FZD7: variants seen among roughly 807,000 people sequenced by gnomAD.
FZD7 encodes frizzled-7.
A neutral mutation model predicts 39.0 loss-of-function variants in FZD7; 21 were observed. The ratio of observed to expected loss-of-function variants is 0.54; its 90% CI spans 0.38 to 0.78. The LOEUF (loss-of-function observed/expected upper bound fraction) is 0.78, where lower values mean the gene tolerates loss of function less well. Ranked by LOEUF, FZD7 falls within the 30% of genes least tolerant of loss-of-function variation. FZD7 has a pLI of 0.00. For synonymous variants in FZD7, 428 were observed against 364.9 expected (o/e 1.17, Z -1.97); for missense variants, 695 against 805.0 (o/e 0.86, Z 1.65).
chr2:202,035,436 G>T lies in FZD7; in HGVS notation c.789G>T (p.Leu263=). ...ARLWVGVWSV[L]CCASTLFTVL... ...TCTGGGTGGGCGTGTGGTCCGTGCT[G>T]TGCTGCGCCTCGACGCTCTTTACCG... The change falls in exon 1 of 1, where the codon CTG becomes CTT. Residue 263 remains leucine, a synonymous_variant. Coordinates refer to ENST00000286201, the MANE Select transcript of FZD7 (RefSeq NM_003507.2). 1 of 1,614,030 alleles carries T rather than the reference G, an allele frequency of 6.2e-7. No individual in the cohort carries two copies. Among genetic ancestry groups the T allele is most frequent in the Non-Finnish European group, 8.5e-7 (1 of 1,179,994 alleles).
Position 202,036,356 on chromosome 2 carries a change from G to A in FZD7, c.1709G>A (p.Gly570Glu). ...FYHRLSHSSK[G>E]ETAV ...CACAGACTTAGCCACAGCAGCAAGG[G>A]GGAGACTGCGGTATGAGCCCCGGCC... is the stretch of plus-strand genomic sequence containing the variant. Residue 570 changes from glycine (G) to glutamate (E), a missense_variant, in exon 1 of 1, where the codon GGG becomes GAG. Transcript: ENST00000286201. The A allele has an allele frequency of 1.2e-6, 2 of 1,611,240 alleles. No individual in the cohort carries two copies. Among genetic ancestry groups the A allele is most frequent in the East Asian group, 2.2e-5 (1 of 44,852 alleles).
rs202177676 is a variant in FZD7 at position 202,036,000 on chromosome 2, C to T, written c.1353C>T (p.Arg451=). Residue 451 remains arginine, a synonymous_variant, in exon 1 of 1, where the codon CGC becomes CGT. Coordinates refer to ENST00000286201, the MANE Select transcript of FZD7 (RefSeq NM_003507.2). ...LAGFVSLFRI[R]TIMKHDGTKT... is the part of the protein sequence containing the mutation. ...GCTTCGTGTCCCTCTTCCGTATCCG[C>T]ACCATCATGAAACACGACGGCACCA... is the stretch of plus-strand genomic sequence containing the variant. 6.8e-6 allele frequency: 11 copies of T among 1,614,088 alleles called. No individual in the cohort carries two copies. In the Admixed American group the frequency reaches 1.5e-4, roughly 22 times the overall value.
Position 202,035,944 on chromosome 2 carries a change from C to G in FZD7, c.1297C>G (p.Leu433Val), listed in dbSNP as rs753824459. Residue 433 changes from leucine (L) to valine (V), a missense_variant, in exon 1 of 1, where the codon CTC becomes GTC. Transcript: ENST00000286201. ...CGTGCTGGCGCCTCTGTTCGTCTAC[C>G]TCTTCATAGGCACGTCCTTCTTGCT... ...GFVLAPLFVY[L>V]FIGTSFLLAG... 1.2e-6 allele frequency: 2 copies of G among 1,614,006 alleles called. No individual in the cohort carries two copies. The highest frequency in any genetic ancestry group is 1.7e-6 in the Non-Finnish European group (2 of 1,180,010).
Position 202,033,878 on chromosome 2 carries a change from G to GGGCGGCGGCGGCGGC in FZD7, c.-758_-744dup, listed in dbSNP as rs565338234. On this transcript the variant is annotated 5_prime_UTR_variant, in exon 1 of 1. Coordinates refer to ENST00000286201, the MANE Select transcript of FZD7 (RefSeq NM_003507.2). ...GCGTTAGTCGGCGCTCACTCCCGGC[G>GGGCGGCGGCGGCGGC]GGCGGCGGCGGCGGCGGCGGCGGCG... Among the ~76,000 whole-genome samples the GGGCGGCGGCGGCGGC allele has an allele frequency of 2.4e-4, 36 of 150,534 alleles. No individual in the cohort carries two copies. The highest frequency in any genetic ancestry group is 3.7e-4 in the Non-Finnish European group (25 of 67,360).
chr2:202,036,242 T>C lies in FZD7; in HGVS notation c.1595T>C (p.Ile532Thr), dbSNP rs1688739994. The C allele has an allele frequency of 6.2e-7, 1 of 1,613,306 alleles. No individual in the cohort carries two copies. The highest frequency in any genetic ancestry group is 1.1e-5 in the South Asian group (1 of 91,054). The change falls in exon 1 of 1, where the codon ATC becomes ACC. Residue 532 changes from isoleucine to threonine, a missense_variant. Transcript: ENST00000286201. Reference protein sequence around the residue: ...PMSPDFTVFMIKYLMTMIVGI... With the variant: ...PMSPDFTVFMTKYLMTMIVGI... ...AGCCCCGACTTCACCGTCTTCATGA[T>C]CAAGTACCTGATGACCATGATCGTC...
Position 202,036,277 on chromosome 2 carries a change from A to G in FZD7, c.1630A>G (p.Thr544Ala). ...GATGACCATGATCGTCGGCATCACC[A>G]CTGGCTTCTGGATCTGGTCGGGCAA... ...YLMTMIVGITTGFWIWSGKTL... is the reference protein window; with the variant it reads ...YLMTMIVGITAGFWIWSGKTL... Residue 544 changes from threonine to alanine, a missense_variant, in exon 1 of 1, where the codon ACT becomes GCT. Physicochemically the swap from Thr to Ala is moderately conservative, Grantham distance 58. Transcript: ENST00000286201. 3 of 1,613,302 alleles carry G rather than the reference A, an allele frequency of 1.9e-6. No homozygotes were observed. The highest frequency in any genetic ancestry group is 2.5e-6 in the Non-Finnish European group (3 of 1,179,964).
chr2:202,036,763 A>C lies in FZD7; in HGVS notation c.*391A>C. The C allele has an allele frequency of 8.9e-6, 2 of 224,046 alleles. No individual in the cohort carries two copies. Among genetic ancestry groups the C allele is most frequent in the South Asian group, 8.7e-5 (1 of 11,446 alleles). 13.9% of individuals were successfully genotyped at this position (224,046 alleles called of 1,614,324 possible). A position where few individuals can be genotyped will look rare whatever the true frequency, so the allele number is the denominator to read the frequency against. On this transcript the variant is annotated 3_prime_UTR_variant, in exon 1 of 1. Coordinates refer to ENST00000286201, the MANE Select transcript of FZD7 (RefSeq NM_003507.2). ...GCTGCAGGGCGAGTGGCCTGTCCAG[A>C]CCCCTGTGAGGCCCCGGGAAAGGTA...
rs984042190 is a variant in FZD7 at position 202,034,346 on chromosome 2, G to A, written c.-302G>A. Among the ~76,000 whole-genome samples the A allele has an allele frequency of 6.6e-5, 10 of 151,800 alleles. No individual in the cohort carries two copies. The South Asian group carries it at 1.9e-3, about 28-fold the overall frequency. ...CGCTTGTTGCTCCTCGCGGCGGAGGGAGCCGCACCGTTACGTCCCCGCGGG... is the reference window on the plus strand; with the variant it reads ...CGCTTGTTGCTCCTCGCGGCGGAGGAAGCCGCACCGTTACGTCCCCGCGGG... On this transcript the variant is annotated 5_prime_UTR_variant, in exon 1 of 1. Transcript: ENST00000286201.
rs1025278790 is a variant in FZD7 at position 202,034,135 on chromosome 2, G to A, written c.-513G>A. On this transcript the variant is annotated 5_prime_UTR_variant, in exon 1 of 1. Transcript: ENST00000286201. ...AGCGGGGTGTGGAGGAGGAGGCGAA[G>A]GAGGCGGCGACGAGCGGAGCCTCGA... Among the ~76,000 whole-genome samples, 1 of 151,668 alleles carries A rather than the reference G, an allele frequency of 6.6e-6. No individual in the cohort carries two copies. The highest frequency in any genetic ancestry group is 2.4e-5 in the African/African-American group (1 of 41,330).
rs1215175471 is a variant in FZD7, at chr2:202,036,210, G to A, written c.1563G>A (p.Pro521=). Reference sequence around the variant, plus strand: ...TGCCCTGCCCGCCCGGCCACTTCCCGCCCATGAGCCCCGACTTCACCGTCT... The same window carrying A: ...TGCCCTGCCCGCCCGGCCACTTCCCACCCATGAGCCCCGACTTCACCGTCT... ...YAVPCPPGHF[P]PMSPDFTVFM... The change falls in exon 1 of 1, where the codon CCG becomes CCA. Residue 521 remains proline (P), a synonymous_variant. Transcript: ENST00000286201. 10 of 1,613,474 alleles carry A rather than the reference G, an allele frequency of 6.2e-6. No individual in the cohort carries two copies. Among genetic ancestry groups the A allele is most frequent in the Non-Finnish European group, 8.5e-6 (10 of 1,179,992 alleles).
Position 202,035,194 on chromosome 2 carries a change from C to T in FZD7, c.547C>T (p.Pro183Ser), listed in dbSNP as rs755082967. ...CGGCCCCACTGCCTACCCTACCGCG[C>T]CCTACCTGCCGGACCTGCCCTTCAC... ...GGGPTAYPTA[P>S]YLPDLPFTAL... is the part of the protein sequence containing the mutation. The change falls in exon 1 of 1, where the codon CCC becomes TCC. Residue 183 changes from proline (P) to serine (S), a missense_variant. Transcript: ENST00000286201. The T allele has an allele frequency of 5.6e-6, 9 of 1,599,976 alleles. No individual in the cohort carries two copies. In the South Asian group the frequency reaches 9.9e-5, roughly 18 times the overall value.
At position 202,034,603 on chromosome 2, in the gene FZD7, G is replaced by C. The variant is rs1688705395; in HGVS notation, c.-45G>C. On this transcript the variant is annotated 5_prime_UTR_variant, in exon 1 of 1. Coordinates refer to ENST00000286201, the MANE Select transcript of FZD7 (RefSeq NM_003507.2). The stretch of plus-strand genomic sequence containing the variant: ...CATCCAAGCCTCTCCCAACCGCCTC[G>C]TCGCACTCCTCAGGCTGAGAGCACC... The C allele has an allele frequency of 2.7e-6, 4 of 1,478,246 alleles. No individual in the cohort carries two copies. The highest frequency in any genetic ancestry group is 3.6e-6 in the Non-Finnish European group (4 of 1,122,390). 91.6% of individuals were successfully genotyped at this position (1,478,246 alleles called of 1,614,324 possible). A position where few individuals can be genotyped will look rare whatever the true frequency, so the allele number is the denominator to read the frequency against.
In FZD7 at chr2:202,034,742, C is replaced by T. The variant is rs1487949232; in HGVS notation, c.95C>T (p.Ala32Val). The change falls in exon 1 of 1, where the codon GCG (alanine) becomes GTG (valine). Residue 32 changes from alanine (A) to valine (V), a missense_variant. By Grantham distance (64) the Ala-to-Val change is moderately conservative. Transcript: ENST00000286201. Reference protein sequence around the residue: ...LLGALSAGAGAQPYHGEKGIS... With the variant: ...LLGALSAGAGVQPYHGEKGIS... ...GGCGCACTGTCCGCGGGCGCCGGGG[C>T]GCAGCCGTACCACGGAGAGAAGGGC... 5.6e-6 allele frequency: 9 copies of T among 1,612,108 alleles called. No homozygotes were observed. Among genetic ancestry groups the T allele is most frequent in the Non-Finnish European group, 7.6e-6 (9 of 1,179,896 alleles).
chr2:202,035,126 G>T lies in FZD7; in HGVS notation c.479G>T (p.Cys160Phe), dbSNP rs1248026205. The change falls in exon 1 of 1, where the codon TGC becomes TTC. Residue 160 changes from cysteine to phenylalanine, a missense_variant. Cys to Phe is a radical substitution (Grantham distance 205). Transcript: ENST00000286201. ...CCGGTGCACGGTGCGGGCGAGATCTGCGTGGGCCAGAACACGTCGGACGGC... is the reference window on the plus strand; with the variant it reads ...CCGGTGCACGGTGCGGGCGAGATCTTCGTGGGCCAGAACACGTCGGACGGC... The part of the protein sequence containing the change: ...NFPVHGAGEI[C>F]VGQNTSDGSG... 4 of 1,605,984 alleles carry T rather than the reference G, an allele frequency of 2.5e-6. No individual in the cohort carries two copies. The South Asian group carries it at 4.4e-5, about 18-fold the overall frequency.
chr2:202,033,998 T>A lies in FZD7; in HGVS notation c.-650T>A, dbSNP rs905867913. On this transcript the variant is annotated 5_prime_UTR_variant, in exon 1 of 1. Coordinates refer to ENST00000286201, the MANE Select transcript of FZD7 (RefSeq NM_003507.2). ...CTCGCGGTTTCGGACGCAGTGTGAC[T>A]GGGTTTCCAAAAAGAACTCGCCGTG... 8.6e-5 allele frequency among the ~76,000 whole-genome samples: 13 copies of A among 151,578 alleles called. No homozygotes were observed. Among genetic ancestry groups the A allele is most frequent in the South Asian group, 6.2e-4 (3 of 4,808 alleles).
chr2:202,034,812 G>A lies in FZD7; in HGVS notation c.165G>A (p.Pro55=), dbSNP rs1457102070. 6.8e-6 allele frequency: 11 copies of A among 1,613,580 alleles called. No homozygotes were observed. Among genetic ancestry groups the A allele is most frequent in the African/African-American group, 4.0e-5 (3 of 74,924 alleles). ...DHGFCQPISI[P]LCTDIAYNQT... ...GCTTCTGCCAGCCCATCTCCATCCC[G>A]CTGTGCACGGACATCGCCTACAACC... Residue 55 remains proline (P), a synonymous_variant, in exon 1 of 1, where the codon CCG becomes CCA. Coordinates refer to ENST00000286201, the MANE Select transcript of FZD7 (RefSeq NM_003507.2).
In FZD7 at chr2:202,036,152, C is replaced by T; in HGVS notation, c.1505C>T (p.Thr502Ile). 6.2e-7 allele frequency: 1 copy of T among 1,613,624 alleles called. No homozygotes were observed. Among genetic ancestry groups the T allele is most frequent in the Non-Finnish European group, 8.5e-7 (1 of 1,180,014 alleles). ...EQAFREHWER[T>I]WLLQTCKSYA... Reference sequence around the variant, plus strand: ...GCCTTCCGCGAGCACTGGGAGCGCACCTGGCTCCTGCAGACGTGCAAGAGC... The same window carrying T: ...GCCTTCCGCGAGCACTGGGAGCGCATCTGGCTCCTGCAGACGTGCAAGAGC... The change falls in exon 1 of 1, where the codon ACC (threonine) becomes ATC (isoleucine). Residue 502 changes from threonine (T) to isoleucine (I), a missense_variant. Transcript: ENST00000286201.
chr2:202,034,800 C>G lies in FZD7; in HGVS notation c.153C>G (p.Pro51=). 6.2e-7 allele frequency: 1 copy of G among 1,613,464 alleles called. No homozygotes were observed. Among genetic ancestry groups the G allele is most frequent in the South Asian group, 1.1e-5 (1 of 91,044 alleles). ...ISVPDHGFCQ[P]ISIPLCTDIA... ...TGCCGGACCACGGCTTCTGCCAGCC[C>G]ATCTCCATCCCGCTGTGCACGGACA... The change falls in exon 1 of 1, where the codon CCC becomes CCG. Residue 51 remains proline, a synonymous_variant. Transcript: ENST00000286201.
chr2:202,035,696 G>A lies in FZD7; in HGVS notation c.1049G>A (p.Ser350Asn). 6.2e-7 allele frequency: 1 copy of A among 1,614,028 alleles called. No individual in the cohort carries two copies. Among genetic ancestry groups the A allele is most frequent in the Non-Finnish European group, 8.5e-7 (1 of 1,180,044 alleles). ...GTGCTCTACTTCTTCGGCATGGCCA[G>A]CTCCATCTGGTGGGTCATTCTGTCT... ...FMVLYFFGMASSIWWVILSLT... is the reference protein window; with the variant it reads ...FMVLYFFGMANSIWWVILSLT... Residue 350 changes from serine to asparagine, a missense_variant, in exon 1 of 1, where the codon AGC (serine) becomes AAC (asparagine). Ser to Asn is a conservative substitution (Grantham distance 46). Coordinates refer to ENST00000286201, the MANE Select transcript of FZD7 (RefSeq NM_003507.2).
Sources: allele counts gnomAD v4.1 joint callset (sites outside exome capture counted in the v4.1 genomes callset), GRCh38; gene constraint gnomAD v4.1.1; transcripts MANE v1.5; gene names NCBI Gene and HGNC (gene_info 2026-07-23, HGNC 2026-07-21).